ROR1: variants seen among roughly 807,000 people sequenced by gnomAD.
ROR1 encodes inactive tyrosine-protein kinase transmembrane receptor ROR1.
ROR1 carries 19 observed loss-of-function variants against 78.8 expected under a neutral mutation model. The ratio of observed to expected loss-of-function variants is 0.24; its 90% CI spans 0.17 to 0.35. The LOEUF is 0.35. Among genes scored for constraint, ROR1 ranks in the 10% least tolerant of loss-of-function variants. The probability of loss-of-function intolerance (pLI) is 1.00; values close to 1 mark genes in which losing one functional copy is unlikely to be tolerated. For synonymous variants in ROR1, 386 were observed against 433.6 expected (o/e 0.89, Z 1.36); for missense variants, 917 against 1,177.8 (o/e 0.78, Z 3.24).
intron 4 of ROR1, among the ~76,000 whole-genome samples, chr1:64,086,438 G>A (rs1647155996): frequency 2.0e-5 from 3 of 152,186 alleles, no homozygotes; most frequent in Non-Finnish European, 4.4e-5. Context: ...AGTTGTTGAG[G>A]ATAGAGCCCT....
chr1:64,026,194 T>C (rs528474174), intron 2 of ROR1, among the ~76,000 whole-genome samples: 88 of 152,312 alleles, frequency 5.8e-4, no homozygotes, highest in African/African-American at 1.9e-3. Flanking sequence ...AGAAAGTGGC[T>C]GGGGGCTGTT....
At chr1:63,871,243 C>T (rs539647066) in intron 1 of ROR1, among the ~76,000 whole-genome samples, 13 of 152,216 alleles carry the variant, frequency 8.5e-5, no homozygotes, top group African/African-American at 2.6e-4. Flanking sequence ...CAGTTCTGGT[C>T]ACCATAATAA....
At chr1:63,944,806 C>G (rs535719021) in intron 1 of ROR1, among the ~76,000 whole-genome samples, 1 of 152,142 alleles carries the variant, frequency 6.6e-6, no homozygotes, top group South Asian at 2.1e-4. Context: ...CATCCTTGGC[C>G]AAATCTCCTA....
At chr1:63,917,965 A>G (rs1419455355) in intron 1 of ROR1, among the ~76,000 whole-genome samples, 2 of 152,138 alleles carry the variant, frequency 1.3e-5, no homozygotes, top group African/African-American at 4.8e-5. Context: ...CTCCCATCCT[A>G]GTGATGGGCA....
chr1:63,901,338 G>C (rs1645484039), intron 1 of ROR1, among the ~76,000 whole-genome samples: 1 of 152,134 alleles, frequency 6.6e-6, no homozygotes, highest in African/African-American at 2.4e-5. Context: ...TGACACAGCA[G>C]TTTTACACTT....
At chr1:64,014,473 G>T (rs917503755) in intron 2 of ROR1, among the ~76,000 whole-genome samples, 2 of 151,234 alleles carry the variant, frequency 1.3e-5, no homozygotes, top group African/African-American at 4.9e-5. Context: ...ATCTACAGGG[G>T]CTCAACCTCA....
intron 1 of ROR1, among the ~76,000 whole-genome samples, chr1:63,877,575 A>C (rs1338580216): frequency 2.6e-5 from 4 of 152,134 alleles, no homozygotes; most frequent in African/African-American, 9.7e-5. Flanking sequence ...ATTTTCAGGA[A>C]GGTAGCACAA....
At chr1:63,881,003 A>G (rs1489017200) in intron 1 of ROR1, among the ~76,000 whole-genome samples, 2 of 152,102 alleles carry the variant, frequency 1.3e-5, no homozygotes, top group Admixed American at 6.5e-5. Context: ...GTACACTGTG[A>G]CTCTGTAAGA....
intron 1 of ROR1, among the ~76,000 whole-genome samples, chr1:64,004,256 A>G (rs774009201): frequency 4.6e-5 from 7 of 152,228 alleles, no homozygotes; most frequent in African/African-American, 7.2e-5. Context: ...TGTTTAAAAC[A>G]TTGGGGCATT....
chr1:63,999,829 G>A (rs1646368282), intron 1 of ROR1, among the ~76,000 whole-genome samples: 1 of 152,098 alleles, frequency 6.6e-6, no homozygotes, highest in Non-Finnish European at 1.5e-5. Context: ...TATGGCTTTA[G>A]GAAACACCCA....
intron 1 of ROR1, among the ~76,000 whole-genome samples, chr1:63,838,640 C>A (rs1048000878): frequency 6.6e-6 from 1 of 152,026 alleles, no homozygotes; most frequent in Non-Finnish European, 1.5e-5. Context: ...AAAAAAGTTA[C>A]AGTAAGCTGT....
chr1:63,984,828 A>T (rs1047151803), intron 1 of ROR1, among the ~76,000 whole-genome samples: 1 of 152,214 alleles, frequency 6.6e-6, no homozygotes, highest in African/African-American at 2.4e-5. Context: ...ATAGTAACAC[A>T]TTATTTATCT....
chr1:64,103,322 T>TA (rs891069355), intron 4 of ROR1, among the ~76,000 whole-genome samples: 5 of 143,578 alleles, frequency 3.5e-5, no homozygotes, highest in Non-Finnish European at 4.6e-5. Context: ...TAATAAAATT[T>TA]AAAAAAAAGT....
intron 1 of ROR1, chr1:63,843,395 G>A (rs1436717702): frequency 2.5e-5 from 19 of 758,782 alleles, no homozygotes; most frequent in Non-Finnish European, 4.3e-5. Flanking sequence ...TAAACACCAG[G>A]TCCTCCTCCT....
intron 4 of ROR1, among the ~76,000 whole-genome samples, chr1:64,107,197 T>G (rs1215926097): frequency 6.6e-6 from 1 of 152,182 alleles, no homozygotes; most frequent in Non-Finnish European, 1.5e-5. Context: ...TAGAATAACC[T>G]TTTCAGTAGT....
chr1:63,984,239 C>G (rs1250256204), intron 1 of ROR1, among the ~76,000 whole-genome samples: 2 of 152,094 alleles, frequency 1.3e-5, no homozygotes, highest in African/African-American at 4.8e-5. Context: ...GAAGCGTACC[C>G]AGACTTCTCT....
At chr1:63,956,623 A>T (rs1645984716) in intron 1 of ROR1, among the ~76,000 whole-genome samples, 1 of 152,214 alleles carries the variant, frequency 6.6e-6, no homozygotes. Flanking sequence ...GCATTGATTT[A>T]CTTTGTGAAT....
chr1:63,915,708 T>G (rs1645603725), intron 1 of ROR1, among the ~76,000 whole-genome samples: 1 of 152,136 alleles, frequency 6.6e-6, no homozygotes, highest in Non-Finnish European at 1.5e-5. Context: ...AGAGTAGTAC[T>G]GCTTCCCTGG....
intron 1 of ROR1, among the ~76,000 whole-genome samples, chr1:63,826,129 C>T (rs569720111): frequency 3.2e-4 from 49 of 152,274 alleles, no homozygotes; most frequent in South Asian, 6.2e-4. Context: ...GGTACATGCA[C>T]AGGTTTGTTA....
Sources: allele counts gnomAD v4.1 joint callset (sites outside exome capture counted in the v4.1 genomes callset), GRCh38; gene constraint gnomAD v4.1.1; transcripts MANE v1.5; gene names NCBI Gene and HGNC (gene_info 2026-07-23, HGNC 2026-07-21).